Variants in FHL1 observed in about 807,000 individuals in gnomAD.
FHL1 encodes four and a half LIM domains 1, also known as four and a half LIM domains protein 1.
In FHL1, 1 loss-of-function variant was observed where a neutral mutation model predicts 20.3. That is an observed-to-expected ratio of 0.05 (90% confidence interval 0.02 to 0.23). The LOEUF (loss-of-function observed/expected upper bound fraction) is 0.23. Ranked by LOEUF, FHL1 falls within the 10% of genes least tolerant of loss-of-function variation. The probability of loss-of-function intolerance (pLI) is 1.00; values close to 1 mark genes in which losing one functional copy is unlikely to be tolerated. For missense variants in FHL1, 177 were observed against 234.0 expected, an observed-to-expected ratio of 0.76 and a Z score of 1.59; for synonymous variants, 82 against 88.9, an observed-to-expected ratio of 0.92 and a Z score of 0.44.
intron 1 of FHL1, among the ~76,000 whole-genome samples, chrX:136,159,434 C>T (rs1027468387): frequency 6.3e-5 from 7 of 111,394 alleles, no homozygotes; most frequent in African/African-American, 2.3e-4. Flanking sequence ...CCCAGCTATT[C>T]GGGTGGTTGA....
intron 1 of FHL1, among the ~76,000 whole-genome samples, chrX:136,157,096 C>T (rs2072442678): frequency 9.0e-6 from 1 of 111,335 alleles, no homozygotes; most frequent in South Asian, 3.8e-4. Flanking sequence ...TTTGACTTAA[C>T]AAAATTTGTT....
At chrX:136,175,264 C>A (rs1053249682) in intron 2 of FHL1, among the ~76,000 whole-genome samples, 1 of 112,251 alleles carries the variant, frequency 8.9e-6, no homozygotes, top group African/African-American at 3.2e-5. Context: ...CATATTTGAA[C>A]GTCAGCAAGG....
chrX:136,166,167 C>T (rs1412742335), upstream of FHL1, among the ~76,000 whole-genome samples: 1 of 111,883 alleles, frequency 8.9e-6, no homozygotes, highest in East Asian at 2.8e-4. Flanking sequence ...GCTTCAGCCT[C>T]ACGACCCCAG....
chrX:136,195,925 C>G (rs1480326185), upstream of FHL1, among the ~76,000 whole-genome samples: 1 of 111,721 alleles, frequency 9.0e-6, no homozygotes, highest in Admixed American at 9.5e-5. Flanking sequence ...GCAGGTGGGA[C>G]TATGTTTTGG....
In FHL1 at chrX:136,155,814, GAA is replaced by G. The variant is rs56379255; in HGVS notation, c.-101+8196_-101+8197del. ...ACTGTTTGAAATGCAGTGAAACCTA[GAA>G]AAAAAAAAACAATCAAAATAATAAG... On this transcript the variant is annotated intron_variant, in intron 1 of 7. Transcript: ENST00000394155. 3.7e-3 allele frequency among the ~76,000 whole-genome samples: 380 copies of G among 102,213 alleles called. 3 individuals are homozygous for G. The highest frequency in any genetic ancestry group is 0.013 in the African/African-American group (353 of 27,907). 88.8% of individuals were successfully genotyped at this position (102,213 alleles called of 115,157 possible). A position where few individuals can be genotyped will look rare whatever the true frequency, so the allele number is the denominator to read the frequency against.
Position 136,183,121 on chromosome X carries a change from AAAC to A in FHL1, c.-27+13144_-27+13146del, listed in dbSNP as rs987340782. Among the ~76,000 whole-genome samples, 7 of 96,583 alleles carry A rather than the reference AAAC, an allele frequency of 7.2e-5. 1 individual carries two copies. Among genetic ancestry groups the A allele is most frequent in the South Asian group, 1.0e-3 (2 of 1,959 alleles). The allele number at this position is 96,583 out of a possible 115,157, so 83.9% of individuals were successfully genotyped here. On this transcript the variant is annotated intron_variant, in intron 2 of 6. Transcript: ENST00000394153. ...AAAAAAAAAAAAACAAAAAACAAAC[AAAC>A]AAAAAAAAAACAGAAAATATATTTT...
At chrX:136,167,574 T>G (rs750134626), upstream of FHL1, among the ~76,000 whole-genome samples, 344 of 111,039 alleles carry the variant, frequency 3.1e-3, 2 homozygotes, top group Non-Finnish European at 5.4e-3. Flanking sequence ...AAACCTAACA[T>G]GAACCAGTCC....
chrX:136,155,963 C>T (rs1420124085), intron 1 of FHL1, among the ~76,000 whole-genome samples: 1 of 110,841 alleles, frequency 9.0e-6, no homozygotes, highest in Non-Finnish European at 1.9e-5. Flanking sequence ...TTATTATTGC[C>T]TGCTAATGGA....
At chrX:136,167,867 G>A (rs1026471586), upstream of FHL1, 1 of 111,945 alleles carries the variant, frequency 8.9e-6, no homozygotes, top group Non-Finnish European at 1.9e-5. Flanking sequence ...CCAGAAGGGT[G>A]AATTAGATGA....
Position 136,207,912 on chromosome X carries a change from T to C in FHL1, c.500T>C (p.Val167Ala), listed in dbSNP as rs2073889987. ...FFPKGEDFYC[V>A]TCHETKFAKH... ...CCTAAAGGGGAGGACTTCTACTGCG[T>C]GACTTGCCATGAGACCAAGTTTGCC... Residue 167 changes from valine to alanine, a missense_variant, in exon 4 of 6, where the codon GTG (valine) becomes GCG (alanine). Coordinates refer to ENST00000370683, the MANE Select transcript of FHL1 (RefSeq NM_001159699.2). The C allele has an allele frequency of 8.2e-7, 1 of 1,212,381 alleles. No individual in the cohort carries two copies. The highest frequency in any genetic ancestry group is 1.7e-5 in the African/African-American group (1 of 57,971).
In FHL1 at chrX:136,162,122, CA is replaced by C. The variant is rs745946778; in HGVS notation, c.-100-7764del. ...TGGGCGACAGAGAGAGACCCTGTCT[CA>C]AAAAAAAAAAAAAAAAAAAAGTACT... On this transcript the variant is annotated intron_variant, in intron 1 of 7. Coordinates refer to the FHL1 transcript ENST00000394155. Among the ~76,000 whole-genome samples the C allele has an allele frequency of 8.4e-3, 412 of 48,914 alleles. 5 individuals carry two copies. The highest frequency in any genetic ancestry group is 0.027 in the African/African-American group (314 of 11,533). 42.5% of individuals were successfully genotyped at this position (48,914 alleles called of 115,157 possible). A position where few individuals can be genotyped will look rare whatever the true frequency, so the allele number is the denominator to read the frequency against.
intron 1 of FHL1, among the ~76,000 whole-genome samples, chrX:136,205,439 T>G (rs1483698101): frequency 8.9e-6 from 1 of 112,210 alleles, no homozygotes; most frequent in Non-Finnish European, 1.9e-5. Context: ...TATGAGCATA[T>G]TGATTCTCAC....
At position 136,211,035 on chromosome X, in the gene FHL1, T is replaced by A. The variant is rs1412200462; in HGVS notation, c.*1010T>A. 2.7e-6 allele frequency: 1 copy of A among 376,096 alleles called. No homozygotes were observed. The highest frequency in any genetic ancestry group is 3.0e-5 in the Admixed American group (1 of 33,744). The allele number at this position is 376,096 out of a possible 1,213,427, so 31.0% of individuals were successfully genotyped here. On this transcript the variant is annotated 3_prime_UTR_variant, in exon 6 of 6. Transcript: ENST00000370683. Reference sequence around the variant, plus strand: ...GTTGAATCCCTTGTAACGTAGTAGTTGTCTGCTCTTTGTCCATGTGTTAAT... The same window carrying A: ...GTTGAATCCCTTGTAACGTAGTAGTAGTCTGCTCTTTGTCCATGTGTTAAT...
Position 136,182,282 on chromosome X carries a change from C to T in FHL1, c.-27+12302C>T, listed in dbSNP as rs145046812. On this transcript the variant is annotated intron_variant, in intron 2 of 6. Transcript: ENST00000394153. ...TGTTATAGACATAGAATGTTGGTTA[C>T]GCCCACAGAATCAATTGCATTTGGA... Among the ~76,000 whole-genome samples, 952 of 111,937 alleles carry T rather than the reference C, an allele frequency of 8.5e-3. 7 individuals are homozygous for T. Among genetic ancestry groups the T allele is most frequent in the African/African-American group, 0.029 (882 of 30,805 alleles).
intron 1 of FHL1, among the ~76,000 whole-genome samples, chrX:136,197,852 C>G (rs754151321): frequency 1.2e-4 from 13 of 111,893 alleles, no homozygotes; most frequent in Non-Finnish European, 2.4e-4. Flanking sequence ...GGCCCTGTGG[C>G]CCTCTGCCTA....
chrX:136,170,301 C>T (rs997329676), intron 2 of FHL1, among the ~76,000 whole-genome samples: 2 of 111,668 alleles, frequency 1.8e-5, no homozygotes, highest in African/African-American at 6.5e-5. Flanking sequence ...AGGAAAGCTG[C>T]ATGGAGCAAA....
chrX:136,152,719 C>CAAAA (rs768022110), intron 1 of FHL1, among the ~76,000 whole-genome samples: 2 of 52,984 alleles, frequency 3.8e-5, no homozygotes, highest in African/African-American at 8.2e-5. Flanking sequence ...GACTCCATCT[C>CAAAA]AAAAAAAAAA....
At chrX:136,176,632 G>A (rs2073009685) in intron 2 of FHL1, among the ~76,000 whole-genome samples, 1 of 111,388 alleles carries the variant, frequency 9.0e-6, no homozygotes, top group Admixed American at 9.6e-5. Context: ...GTTCTGTTTG[G>A]TTTTGTAGTC....
chrX:136,162,690 C>T lies in FHL1; in HGVS notation c.-100-7217C>T, dbSNP rs762162322. On this transcript the variant is annotated intron_variant, in intron 1 of 7. Transcript: ENST00000394155. ...TGGGGCCCCGCCATCTGTGTCCTAA[C>T]AAGGTCCTCTCTCAGGAGATTTTGA... is the stretch of plus-strand genomic sequence containing the variant. 8.3e-4 allele frequency among the ~76,000 whole-genome samples: 93 copies of T among 111,525 alleles called. 1 individual carries two copies. Among genetic ancestry groups the T allele is most frequent in the Non-Finnish European group, 1.5e-3 (80 of 53,114 alleles).
Sources: gnomAD v4.1 joint callset for allele counts (sites outside exome capture counted in the v4.1 genomes callset) on GRCh38, gnomAD v4.1.1 for gene constraint, MANE v1.5 for transcripts, NCBI Gene and HGNC (gene_info 2026-07-23, HGNC 2026-07-21) for gene names.